Variants in PITPNB observed in about 807,000 individuals in gnomAD.
PITPNB encodes phosphatidylinositol transfer protein beta.
PITPNB carries 16 observed loss-of-function variants against 45.9 expected under a neutral mutation model. The ratio of observed to expected loss-of-function variants is 0.35; its 90% CI spans 0.24 to 0.53. The LOEUF (loss-of-function observed/expected upper bound fraction) is 0.53. PITPNB is among the 20% of genes least tolerant of loss of function. PITPNB has a pLI of 0.93. For missense variants in PITPNB, 188 were observed against 330.5 expected, an observed-to-expected ratio of 0.57 and a Z score of 3.34; for synonymous variants, 112 against 108.9, an observed-to-expected ratio of 1.03 and a Z score of -0.18.
At chr22:27,899,094 G>A (rs1935520315) in intron 3 of PITPNB, among the ~76,000 whole-genome samples, 1 of 152,172 alleles carries the variant, frequency 6.6e-6, no homozygotes, top group African/African-American at 2.4e-5. Flanking sequence ...TTCCTCATGT[G>A]TTGAATGGAA....
intron 8 of PITPNB, 28 bp from the exon 9 acceptor site, chr22:27,860,269 ATTATGACTTAAATAT>A: frequency 7.6e-7 from 1 of 1,313,122 alleles, no homozygotes; most frequent in Non-Finnish European, 1.1e-6. Context: ...AAAAGGAGAA[ATTATGACTTAAATAT>A]TTATGTTTTC....
intron 7 of PITPNB, among the ~76,000 whole-genome samples, chr22:27,883,259 A>C (rs1312003363): frequency 6.6e-6 from 1 of 152,220 alleles, no homozygotes; most frequent in African/African-American, 2.4e-5. Flanking sequence ...GAATGACAAA[A>C]ATAAAGTCAG....
At chr22:27,918,114 A>G (rs962129326) in intron 1 of PITPNB, among the ~76,000 whole-genome samples, 1 of 152,206 alleles carries the variant, frequency 6.6e-6, no homozygotes, top group Non-Finnish European at 1.5e-5. Context: ...GCAGGAAAAA[A>G]AAGTGTAAAG....
At chr22:27,879,021 T>C (rs1934895189) in intron 7 of PITPNB, among the ~76,000 whole-genome samples, 1 of 152,080 alleles carries the variant, frequency 6.6e-6, no homozygotes, top group Non-Finnish European at 1.5e-5. Context: ...TCTACACCCC[T>C]GAACATAACA....
At chr22:27,896,035 T>C (rs1935421360) in intron 6 of PITPNB, among the ~76,000 whole-genome samples, 1 of 152,246 alleles carries the variant, frequency 6.6e-6, no homozygotes, top group Admixed American at 6.5e-5. Context: ...TGTTCTTGAA[T>C]CTTAAAGAGA....
chr22:27,915,470 C>A (rs1936049501), intron 1 of PITPNB, among the ~76,000 whole-genome samples: 1 of 151,956 alleles, frequency 6.6e-6, no homozygotes, highest in South Asian at 2.1e-4. Flanking sequence ...AGTTTGCATT[C>A]CAGCTACACT....
chr22:27,858,324 A>T, intron 10 of PITPNB, 63 bp downstream of exon 10: 1 of 1,247,564 alleles, frequency 8.0e-7, no homozygotes, highest in Non-Finnish European at 1.1e-6. Flanking sequence ...TGTATTTACC[A>T]AGCATGTATA....
chr22:27,899,979 G>A (rs1935546596), intron 3 of PITPNB, among the ~76,000 whole-genome samples: 2 of 152,050 alleles, frequency 1.3e-5, no homozygotes, highest in South Asian at 4.1e-4. Flanking sequence ...GAGGTGGGTG[G>A]ATCACCTGAG....
At chr22:27,901,280 C>T (rs116867980) in intron 3 of PITPNB, among the ~76,000 whole-genome samples, 5 of 152,282 alleles carry the variant, frequency 3.3e-5, no homozygotes, top group East Asian at 1.9e-4. Context: ...GTACACTGAA[C>T]GCCTGATCTA....
chr22:27,853,358 C>T lies in PITPNB; in HGVS notation c.*344G>A. ...CAGGTATATATATTGAAAATATTTT[C>T]TTTTGCATTCTTGCTGAAGATAGGT... On this transcript the variant is annotated 3_prime_UTR_variant, in exon 12 of 12. Coordinates refer to ENST00000335272, the MANE Select transcript of PITPNB (RefSeq NM_012399.5). The T allele has an allele frequency of 2.4e-6, 1 of 411,930 alleles. No individual in the cohort carries two copies. The highest frequency in any genetic ancestry group is 4.3e-6 in the Non-Finnish European group (1 of 232,960). The allele number at this position is 411,930 out of a possible 1,614,324, so 25.5% of individuals were successfully genotyped here. A position where few individuals can be genotyped will look rare whatever the true frequency, so the allele number is the denominator to read the frequency against.
intron 7 of PITPNB, among the ~76,000 whole-genome samples, chr22:27,887,442 T>C (rs1269687331): frequency 3.3e-5 from 5 of 152,052 alleles, no homozygotes; most frequent in Non-Finnish European, 4.4e-5. Flanking sequence ...AGGGGTAGGA[T>C]CTGGATCTGG....
chr22:27,873,519 T>A (rs9625349), intron 8 of PITPNB, among the ~76,000 whole-genome samples: 7,335 of 152,332 alleles, frequency 0.048, 291 homozygotes, highest in South Asian at 0.11. Context: ...TTATTGGAGC[T>A]GCATTATGCT....
At chr22:27,884,398 T>C (rs1935058471) in intron 7 of PITPNB, among the ~76,000 whole-genome samples, 1 of 152,204 alleles carries the variant, frequency 6.6e-6, no homozygotes. Context: ...CTGAGCTTTA[T>C]CTTAGGAGCA....
chr22:27,917,322 G>A (rs1936109630), intron 1 of PITPNB, among the ~76,000 whole-genome samples: 2 of 152,282 alleles, frequency 1.3e-5, no homozygotes, highest in South Asian at 4.1e-4. Flanking sequence ...AACACTTTTG[G>A]AGGGAGGAAA....
chr22:27,914,978 T>C (rs567622345), intron 1 of PITPNB, among the ~76,000 whole-genome samples: 1 of 152,350 alleles, frequency 6.6e-6, no homozygotes, highest in South Asian at 2.1e-4. Context: ...CAAGAGTTTC[T>C]TATTGTATAT....
At chr22:27,910,455 C>A (rs1046481962) in intron 3 of PITPNB, 1 of 152,584 alleles carries the variant, frequency 6.6e-6, no homozygotes, top group Non-Finnish European at 1.5e-5. Context: ...AATGGACTTA[C>A]AACGTAGGGA....
intron 8 of PITPNB, among the ~76,000 whole-genome samples, chr22:27,864,954 A>G (rs1171337148): frequency 6.6e-6 from 1 of 152,108 alleles, no homozygotes; most frequent in African/African-American, 2.4e-5. Context: ...CTCAAAAAAA[A>G]GAAAAAAAAA....
chr22:27,870,522 T>C (rs1934625673), intron 8 of PITPNB, among the ~76,000 whole-genome samples: 1 of 152,238 alleles, frequency 6.6e-6, no homozygotes, highest in Admixed American at 6.5e-5. Context: ...ACTGTGGAAC[T>C]ACCAGGCAGC....
chr22:27,902,506 G>C (rs186006532), intron 3 of PITPNB, among the ~76,000 whole-genome samples: 10 of 151,576 alleles, frequency 6.6e-5, no homozygotes, highest in Admixed American at 3.9e-4. Context: ...AATTGGAGTG[G>C]GAAAGAATGG....
Sources: allele counts gnomAD v4.1 joint callset (sites outside exome capture counted in the v4.1 genomes callset), GRCh38; gene constraint gnomAD v4.1.1; transcripts MANE v1.5; gene names NCBI Gene and HGNC (gene_info 2026-07-23, HGNC 2026-07-21).